The following RABGEF1 variants were observed in gnomAD, a reference collection of about 807,000 sequenced individuals.
The protein encoded by RABGEF1 is rab5 GDP/GTP exchange factor.
Under a neutral mutation model 57.3 loss-of-function variants are expected in RABGEF1, and 26 were observed. That is an observed-to-expected ratio of 0.45 (90% CI 0.33 to 0.63). RABGEF1 has a LOEUF of 0.63. RABGEF1 is among the 20% of genes least tolerant of loss of function. The pLI, the probability that RABGEF1 is intolerant of heterozygous loss-of-function variation, is 0.02. For synonymous variants in RABGEF1, 185 were observed against 210.7 expected, an observed-to-expected ratio of 0.88 and a Z score of 1.06; for missense variants, 464 against 607.6, an observed-to-expected ratio of 0.76 and a Z score of 2.48.
chr7:66,789,044 A>G (rs1313862818), intron 4 of RABGEF1, among the ~76,000 whole-genome samples: 3 of 152,228 alleles, frequency 2.0e-5, no homozygotes, highest in Admixed American at 2.0e-4. Context: ...AAAAATACAC[A>G]GTTTAAGACA....
rs535908799 is a variant in RABGEF1, at chr7:66,796,441, A to G, written c.595+849A>G. On this transcript the variant is annotated intron_variant, in intron 5 of 8. Transcript: ENST00000284957. Reference sequence around the variant, plus strand: ...CATTCATCAGTCTTGGGAGTTGCAAATGCCTTTGTAATGTAGGACAGGGAG... The same window carrying G: ...CATTCATCAGTCTTGGGAGTTGCAAGTGCCTTTGTAATGTAGGACAGGGAG... Among the ~76,000 whole-genome samples, 3 of 152,304 alleles carry G rather than the reference A, an allele frequency of 2.0e-5. No individual in the cohort carries two copies. In the East Asian group the frequency reaches 5.8e-4, roughly 29 times the overall value.
At chr7:66,661,175 T>C in the RABGEF1 span, among the ~76,000 whole-genome samples, 95 of 151,838 alleles carry the variant, frequency 6.3e-4, no homozygotes, top group Middle Eastern at 3.4e-3. Context: ...GGCGGGCACC[T>C]GTAGTCCCAG....
intron 3 of RABGEF1, among the ~76,000 whole-genome samples, chr7:66,780,730 A>G (rs970607905): frequency 3.3e-5 from 5 of 152,138 alleles, no homozygotes; most frequent in African/African-American, 1.2e-4. Context: ...TTATTAGTAT[A>G]TATATATTTA....
chr7:66,779,926 C>G (rs1276486936), intron 3 of RABGEF1, among the ~76,000 whole-genome samples: 2 of 152,158 alleles, frequency 1.3e-5, no homozygotes, highest in Non-Finnish European at 2.9e-5. Context: ...AACTTCTGGC[C>G]TCTTAGTAGG....
chr7:66,657,399 G>T, the RABGEF1 span, among the ~76,000 whole-genome samples: 1 of 152,182 alleles, frequency 6.6e-6, no homozygotes, highest in East Asian at 1.9e-4. Context: ...ACTGGTTGGA[G>T]ATGAAATCAT....
intron 1 of RABGEF1, among the ~76,000 whole-genome samples, chr7:66,699,445 C>G (rs547015673): frequency 6.6e-6 from 1 of 152,148 alleles, no homozygotes; most frequent in African/African-American, 2.4e-5. Context: ...AATCCCAGCA[C>G]TTTGGGAGGT....
Position 66,692,714 on chromosome 7 carries a change from C to T in RABGEF1, c.-873+10456C>T, listed in dbSNP as rs530506153. Among the ~76,000 whole-genome samples the T allele has an allele frequency of 2.2e-3, 341 of 151,838 alleles. 1 individual carries two copies. Among genetic ancestry groups the T allele is most frequent in the Non-Finnish European group, 3.9e-3 (265 of 67,916 alleles). The stretch of plus-strand genomic sequence containing the variant: ...TCCCACCTAAAGCTCCCACCCACCC[C>T]TCTCTGCAGCCAAGCACTGATGTCC... On this transcript the variant is annotated intron_variant and NMD_transcript_variant, in intron 1 of 9. Transcript: ENST00000607882.
In RABGEF1 at chr7:66,766,267, C is replaced by T. The variant is rs536782177; in HGVS notation, c.-17-5616C>T. Among the ~76,000 whole-genome samples, 22 of 151,238 alleles carry T rather than the reference C, an allele frequency of 1.5e-4. 1 individual carries two copies. The highest frequency in any genetic ancestry group is 5.3e-4 in the African/African-American group (22 of 41,146). ...AAGGCTGCAGTGAGCTGTGATCACG[C>T]CACTGCACTCTAGCCTGAATGACAG... is the stretch of plus-strand genomic sequence containing the variant. On this transcript the variant is annotated intron_variant, in intron 1 of 8. Coordinates refer to ENST00000284957, the MANE Select transcript of RABGEF1 (RefSeq NM_014504.3).
upstream of RABGEF1, among the ~76,000 whole-genome samples, chr7:66,738,014 G>GTTTTTTT (rs759479602): frequency 5.0e-5 from 7 of 139,902 alleles, 1 homozygote; most frequent in South Asian, 4.8e-4. Flanking sequence ...TGTGTTTTTT[G>GTTTTTTT]TTTTTTTTGT....
chr7:66,761,264 C>G (rs1804270052), intron 1 of RABGEF1, among the ~76,000 whole-genome samples: 4 of 152,172 alleles, frequency 2.6e-5, no homozygotes, highest in Admixed American at 2.6e-4. Context: ...GGTGAGGACT[C>G]AGTCCCCATG....
chr7:66,792,133 A>T (rs1308750619), intron 4 of RABGEF1, among the ~76,000 whole-genome samples: 1 of 152,016 alleles, frequency 6.6e-6, no homozygotes, highest in Non-Finnish European at 1.5e-5. Context: ...AAAAGATTAT[A>T]GAAAAGATGA....
chr7:66,755,385 A>G (rs1802462627), intron 1 of RABGEF1, among the ~76,000 whole-genome samples: 1 of 152,156 alleles, frequency 6.6e-6, no homozygotes, highest in Admixed American at 6.5e-5. Context: ...TAAGGTGGAG[A>G]GGATCACTTG....
chr7:66,759,705 T>C (rs62466849), intron 1 of RABGEF1, among the ~76,000 whole-genome samples: 5,997 of 151,942 alleles, frequency 0.039, 163 homozygotes, highest in East Asian at 0.087. Flanking sequence ...GAAGGTGCTA[T>C]ACACGTTTAA....
intron 1 of RABGEF1, among the ~76,000 whole-genome samples, chr7:66,752,837 A>AT (rs35576569): frequency 2.6e-5 from 4 of 152,110 alleles, no homozygotes; most frequent in Middle Eastern, 3.2e-3. Flanking sequence ...TTGCTGTTTA[A>AT]TTTTTTTACT....
chr7:66,795,148 C>T (rs1339538695), intron 4 of RABGEF1, among the ~76,000 whole-genome samples: 1 of 152,070 alleles, frequency 6.6e-6, no homozygotes, highest in Non-Finnish European at 1.5e-5. Flanking sequence ...TAGCTGCTGG[C>T]AGGAAGCACT....
At chr7:66,744,995 A>G (rs968697529) in intron 1 of RABGEF1, among the ~76,000 whole-genome samples, 1 of 152,006 alleles carries the variant, frequency 6.6e-6, no homozygotes, top group South Asian at 2.1e-4. Context: ...GATCCAGACC[A>G]TCCTGGCTAA....
At chr7:66,692,472 C>T (rs1472326020) in intron 1 of RABGEF1, among the ~76,000 whole-genome samples, 1 of 152,208 alleles carries the variant, frequency 6.6e-6, no homozygotes, top group African/African-American at 2.4e-5. Flanking sequence ...GGCACAGTGG[C>T]CCTGCCAGCT....
chr7:66,710,367 G>A (rs1794634481), intron 1 of RABGEF1, among the ~76,000 whole-genome samples: 1 of 152,168 alleles, frequency 6.6e-6, no homozygotes, highest in Non-Finnish European at 1.5e-5. Flanking sequence ...GTGTTTGTAT[G>A]GACACATGCT....
chr7:66,693,044 T>G (rs1791772781), intron 1 of RABGEF1, among the ~76,000 whole-genome samples: 2 of 152,170 alleles, frequency 1.3e-5, no homozygotes, highest in African/African-American at 2.4e-5. Flanking sequence ...AAAAAAGCAG[T>G]GAGCCGGCTG....
Sources: allele counts gnomAD v4.1 joint callset (sites outside exome capture counted in the v4.1 genomes callset), GRCh38; gene constraint gnomAD v4.1.1; transcripts MANE v1.5; gene names NCBI Gene and HGNC (gene_info 2026-07-23, HGNC 2026-07-21).